The following RELN variants were observed in gnomAD, a reference collection of about 807,000 sequenced individuals.
RELN encodes the protein reelin.
A neutral mutation model predicts 427.6 loss-of-function variants in RELN; 108 were observed. That is an observed-to-expected ratio of 0.25 (90% confidence interval 0.22 to 0.30). The LOEUF (loss-of-function observed/expected upper bound fraction) is 0.30. Among genes scored for constraint, RELN ranks in the 10% least tolerant of loss-of-function variants. The probability of loss-of-function intolerance (pLI) is 1.00; values close to 1 mark genes in which losing one functional copy is unlikely to be tolerated. For synonymous variants in RELN, 1,524 were observed against 1,513.4 expected, an observed-to-expected ratio of 1.01 and a Z score of -0.16; for missense variants, 3,715 against 4,302.8, an observed-to-expected ratio of 0.86 and a Z score of 3.82.
chr7:103,964,113 T>C (rs1459889313), intron 1 of RELN, among the ~76,000 whole-genome samples: 3 of 152,028 alleles, frequency 2.0e-5, no homozygotes, highest in African/African-American at 7.3e-5. Context: ...GAGCTATAAC[T>C]GCGACATTGC....
At chr7:103,793,812 G>A (rs954590884) in intron 3 of RELN, among the ~76,000 whole-genome samples, 1 of 152,172 alleles carries the variant, frequency 6.6e-6, no homozygotes, top group Admixed American at 6.5e-5. Flanking sequence ...TGTCACCCAG[G>A]CTAAAGTGCA....
At chr7:103,678,595 C>G (rs970965890) in intron 11 of RELN, among the ~76,000 whole-genome samples, 3 of 152,036 alleles carry the variant, frequency 2.0e-5, no homozygotes, top group Admixed American at 6.6e-5. Flanking sequence ...AACGGTTTCC[C>G]AGAAAAGCCA....
At chr7:103,954,946 GC>G (rs1291565406) in intron 1 of RELN, among the ~76,000 whole-genome samples, 1 of 152,114 alleles carries the variant, frequency 6.6e-6, no homozygotes, top group Non-Finnish European at 1.5e-5. Flanking sequence ...TAAAATAAAA[GC>G]CTTTTTAGCT....
intron 1 of RELN, among the ~76,000 whole-genome samples, chr7:103,924,899 C>T (rs1044249014): frequency 4.0e-5 from 6 of 151,822 alleles, no homozygotes; most frequent in African/African-American, 1.5e-4. Context: ...TACTCAATCC[C>T]TCTACATTGC....
At chr7:103,986,618 A>G (rs1797102277) in intron 1 of RELN, among the ~76,000 whole-genome samples, 2 of 124,770 alleles carry the variant, frequency 1.6e-5, no homozygotes, top group Non-Finnish European at 3.2e-5. Flanking sequence ...ATCTCAATGC[A>G]TTCTTTTAGG....
At chr7:103,713,748 T>G (rs1789863702) in intron 8 of RELN, among the ~76,000 whole-genome samples, 1 of 152,028 alleles carries the variant, frequency 6.6e-6, no homozygotes, top group South Asian at 2.1e-4. Flanking sequence ...CTCCCCAAAA[T>G]TAAGAAACAC....
At chr7:103,755,778 A>C (rs1353394184) in intron 4 of RELN, among the ~76,000 whole-genome samples, 1 of 146,440 alleles carries the variant, frequency 6.8e-6, no homozygotes, top group African/African-American at 2.5e-5. Context: ...GCACAACCGC[A>C]CTCCAGTCTG....
intron 3 of RELN, among the ~76,000 whole-genome samples, chr7:103,794,301 G>A (rs1299060091): frequency 2.6e-5 from 4 of 152,026 alleles, no homozygotes; most frequent in East Asian, 3.9e-4. Flanking sequence ...CTGAACAGAC[G>A]AACTGCTATA....
intron 55 of RELN, among the ~76,000 whole-genome samples, chr7:103,497,526 T>C (rs567180684): frequency 3.3e-5 from 5 of 152,340 alleles, no homozygotes; most frequent in Admixed American, 2.0e-4. Flanking sequence ...TTGGAAATCA[T>C]ACAAAATGTA....
chr7:103,494,578 T>C (rs1197438024), intron 57 of RELN, among the ~76,000 whole-genome samples: 1 of 134,424 alleles, frequency 7.4e-6, no homozygotes, highest in Non-Finnish European at 1.6e-5. Context: ...AGATAGGGGG[T>C]CTTGCTATGT....
At chr7:103,577,752 T>C (rs113904628) in intron 28 of RELN, among the ~76,000 whole-genome samples, 65 of 152,308 alleles carry the variant, frequency 4.3e-4, no homozygotes, top group African/African-American at 1.5e-3. Context: ...TTCCAAAAGA[T>C]AGACTGCATG....
In RELN at chr7:103,989,369, G is replaced by C. The variant is rs1797177097; in HGVS notation, c.-13C>G. On this transcript the variant is annotated 5_prime_UTR_variant, in exon 1 of 65. Coordinates refer to ENST00000428762, the MANE Select transcript of RELN (RefSeq NM_005045.4). This position sits in a 1 kb window ranked among gnomAD's most constrained non-coding sequence, Gnocchi z 4.9. Reference sequence around the variant, plus strand: ...CACTGCGCTCCATGCCGCCGCCGCCGCCGCCGCCGCCGCGCGCCCTACGCG... The same window carrying C: ...CACTGCGCTCCATGCCGCCGCCGCCCCCGCCGCCGCCGCGCGCCCTACGCG... 7.0e-7 allele frequency: 1 copy of C among 1,425,618 alleles called. No homozygotes were observed. Among genetic ancestry groups the C allele is most frequent in the African/African-American group, 1.5e-5 (1 of 65,900 alleles). The allele number at this position is 1,425,618 out of a possible 1,614,324, so 88.3% of individuals were successfully genotyped here. A position where few individuals can be genotyped will look rare whatever the true frequency, so the allele number is the denominator to read the frequency against.
At chr7:103,891,317 A>G (rs562897597) in intron 2 of RELN, among the ~76,000 whole-genome samples, 1 of 152,266 alleles carries the variant, frequency 6.6e-6, no homozygotes, top group African/African-American at 2.4e-5. Flanking sequence ...ACTGGTTTGT[A>G]AATTACAGCA....
At chr7:103,531,333 C>G (rs1829935838) in intron 46 of RELN, among the ~76,000 whole-genome samples, 1 of 152,198 alleles carries the variant, frequency 6.6e-6, no homozygotes, top group African/African-American at 2.4e-5. Flanking sequence ...CATCTTCTTT[C>G]AGGAAGATCT....
intron 24 of RELN, among the ~76,000 whole-genome samples, chr7:103,600,494 G>A (rs1452024432): frequency 2.0e-5 from 3 of 152,100 alleles, no homozygotes; most frequent in Admixed American, 6.6e-5. Context: ...CCTGCAAAAC[G>A]GGTCTACTCT....
In RELN at chr7:103,566,280, T is replaced by G. The variant is rs1273427587; in HGVS notation, c.4880A>C (p.Gln1627Pro). 2 of 1,614,050 alleles carry G rather than the reference T, an allele frequency of 1.2e-6. No homozygotes were observed. The highest frequency in any genetic ancestry group is 2.2e-5 in the South Asian group (2 of 91,080). ...QANWYRIQGG[Q>P]VDIDCLSMDT... ...CATAGAGAGACAGTCAATATCAACTTGACCTCCTTGGATTCGATACCAGTT... is the reference window on the plus strand; with the variant it reads ...CATAGAGAGACAGTCAATATCAACTGGACCTCCTTGGATTCGATACCAGTT... The change falls in exon 33 of 65, where the codon CAA (glutamine) becomes CCA (proline). Residue 1627 changes from glutamine (Q) to proline (P), a missense_variant. Physicochemically the swap from Gln to Pro is moderately conservative, Grantham distance 76. Coordinates refer to ENST00000428762, the MANE Select transcript of RELN (RefSeq NM_005045.4).
intron 6 of RELN, among the ~76,000 whole-genome samples, chr7:103,737,606 T>C (rs1790527126): frequency 6.6e-6 from 1 of 152,226 alleles, no homozygotes; most frequent in African/African-American, 2.4e-5. Context: ...GAAATCTCAG[T>C]ATTTCTATAC....
Position 103,989,192 on chromosome 7 carries a change from C to A in RELN, c.165G>T (p.Val55=). Residue 55 remains valine (V), a synonymous_variant, in exon 1 of 65, where the codon GTG becomes GTT. Coordinates refer to ENST00000428762, the MANE Select transcript of RELN (RefSeq NM_005045.4). The surrounding 1 kb of genome is among the most constrained non-coding windows in gnomAD (Gnocchi z 4.9). ...ELEGDGEQGE[V]LISLHIAGNP... Reference sequence around the variant, plus strand: ...TGCCCGCAATATGCAGGGAAATGAGCACCTCGCCCTGCTCCCCATCCCCTT... The same window carrying A: ...TGCCCGCAATATGCAGGGAAATGAGAACCTCGCCCTGCTCCCCATCCCCTT... 1 of 1,614,138 alleles carries A rather than the reference C, an allele frequency of 6.2e-7. No individual in the cohort carries two copies. The highest frequency in any genetic ancestry group is 8.5e-7 in the Non-Finnish European group (1 of 1,180,006).
chr7:103,877,858 CTTTT>C (rs34224768), intron 2 of RELN, among the ~76,000 whole-genome samples: 21 of 120,622 alleles, frequency 1.7e-4, no homozygotes, highest in East Asian at 9.9e-4. Context: ...CTCTCCCTGC[CTTTT>C]TTTTTTTTTT....
Sources: gnomAD v4.1 joint callset for allele counts (sites outside exome capture counted in the v4.1 genomes callset) on GRCh38, gnomAD v4.1.1 for gene constraint, Gnocchi (gnomAD v3.1) non-coding constraint, MANE v1.5 for transcripts, NCBI Gene and HGNC (gene_info 2026-07-23, HGNC 2026-07-21) for gene names.